Variants in KCNQ5 observed in about 807,000 individuals in gnomAD.
The protein encoded by KCNQ5 is potassium voltage-gated channel subfamily KQT member 5.
In KCNQ5, 30 loss-of-function variants were observed where a neutral mutation model predicts 98.2. That is an observed-to-expected ratio of 0.31 (90% CI 0.23 to 0.41). KCNQ5 has a LOEUF of 0.41. KCNQ5 is among the 10% of genes least tolerant of loss of function. The pLI, the probability that KCNQ5 is intolerant of heterozygous loss-of-function variation, is 1.00. For synonymous variants in KCNQ5, 458 were observed against 449.4 expected (o/e 1.02, Z -0.24); for missense variants, 835 against 1,182.5 (o/e 0.71, Z 4.31).
intron 1 of KCNQ5, among the ~76,000 whole-genome samples, chr6:72,751,231 T>C (rs1242169767): frequency 6.6e-6 from 1 of 151,436 alleles, no homozygotes; most frequent in Admixed American, 6.6e-5. Flanking sequence ...AGGAAAAGGG[T>C]ACAGTGTGAG....
chr6:73,034,156 A>T (rs1381756065), intron 2 of KCNQ5, among the ~76,000 whole-genome samples: 1 of 152,218 alleles, frequency 6.6e-6, no homozygotes, highest in African/African-American at 2.4e-5. Context: ...TAGAATTATA[A>T]CTGCAACTCT....
At chr6:72,833,905 A>G (rs1776394686) in intron 1 of KCNQ5, among the ~76,000 whole-genome samples, 2 of 152,088 alleles carry the variant, frequency 1.3e-5, no homozygotes, top group Non-Finnish European at 1.5e-5. Flanking sequence ...ATAGATCTCA[A>G]AAATATAAGG....
intron 2 of KCNQ5, among the ~76,000 whole-genome samples, chr6:73,021,984 A>G (rs1293961555): frequency 1.3e-5 from 2 of 152,192 alleles, no homozygotes; most frequent in Admixed American, 1.3e-4. Flanking sequence ...TTATTAAAGC[A>G]AATATGCTTA....
intron 1 of KCNQ5, among the ~76,000 whole-genome samples, chr6:72,705,599 T>TTGTTG (rs1554146891): frequency 0.04 from 6,030 of 151,308 alleles, 149 homozygotes; most frequent in Middle Eastern, 0.1. Context: ...TGTTTTTTTT[T>TTGTTG]TTGTTGTTGT....
intron 1 of KCNQ5, among the ~76,000 whole-genome samples, chr6:72,877,411 T>C (rs1778453020): frequency 6.6e-6 from 1 of 152,238 alleles, no homozygotes; most frequent in Non-Finnish European, 1.5e-5. Flanking sequence ...ATTTTATGGC[T>C]GCATAGTATC....
At chr6:73,182,617 G>A (rs1182427160) in intron 11 of KCNQ5, among the ~76,000 whole-genome samples, 2 of 152,150 alleles carry the variant, frequency 1.3e-5, no homozygotes, top group Admixed American at 6.5e-5. Context: ...TGAATTCGTA[G>A]TTGATACCTA....
chr6:73,093,611 T>C (rs2150407536), intron 5 of KCNQ5, among the ~76,000 whole-genome samples: 1 of 152,318 alleles, frequency 6.6e-6, no homozygotes, highest in Middle Eastern at 3.4e-3. Flanking sequence ...TGTGTCATTG[T>C]TGCCATTCAA....
At chr6:73,030,277 A>AT (rs1380891168) in intron 2 of KCNQ5, among the ~76,000 whole-genome samples, 1 of 152,170 alleles carries the variant, frequency 6.6e-6, no homozygotes, top group Non-Finnish European at 1.5e-5. Flanking sequence ...TGCAGTTTCT[A>AT]TTGGTGGTGA....
chr6:72,987,424 T>C (rs1768839027), intron 1 of KCNQ5: 32 of 694,058 alleles, frequency 4.6e-5, no homozygotes, highest in South Asian at 3.9e-4. Flanking sequence ...GGAACCTAGT[T>C]TGGCCAGTGG....
At chr6:72,720,489 G>A (rs76441442) in intron 1 of KCNQ5, among the ~76,000 whole-genome samples, 1,759 of 152,166 alleles carry the variant, frequency 0.012, 28 homozygotes, top group African/African-American at 0.039. Context: ...GATTGCAAAG[G>A]CTGTTTTCTT....
intron 1 of KCNQ5, among the ~76,000 whole-genome samples, chr6:72,904,753 T>C (rs181080727): frequency 6.6e-6 from 1 of 152,342 alleles, no homozygotes; most frequent in Non-Finnish European, 1.5e-5. Flanking sequence ...TAATAGGTTT[T>C]CCTTTATAGG....
intron 1 of KCNQ5, among the ~76,000 whole-genome samples, chr6:72,856,093 A>G (rs1433412464): frequency 6.6e-6 from 1 of 152,174 alleles, no homozygotes; most frequent in Non-Finnish European, 1.5e-5. Flanking sequence ...TGGTATTTCT[A>G]TTTTGGCTCT....
chr6:73,059,184 T>C (rs1365511349), intron 3 of KCNQ5, among the ~76,000 whole-genome samples: 1 of 152,108 alleles, frequency 6.6e-6, no homozygotes, highest in Non-Finnish European at 1.5e-5. Flanking sequence ...TGATGGTGGA[T>C]TGGATAAAGA....
rs2098915458 is a variant in KCNQ5 at position 72,622,141 on chromosome 6, C to T, written c.-49C>T. On this transcript the variant is annotated 5_prime_UTR_variant, in exon 1 of 14. Transcript: ENST00000370398. The surrounding 1 kb of genome is among the most constrained non-coding windows in gnomAD (Gnocchi z 6.0). ...CCCGCCGGCGCACATGAGGCCGCTG[C>T]CCCCGCCGCAGGCGCTGGCGGCCCC... 6.6e-6 allele frequency: 8 copies of T among 1,210,310 alleles called. No homozygotes were observed. Among genetic ancestry groups the T allele is most frequent in the African/African-American group, 1.6e-5 (1 of 63,510 alleles). 75.0% of individuals were successfully genotyped at this position (1,210,310 alleles called of 1,614,324 possible). A position where few individuals can be genotyped will look rare whatever the true frequency, so the allele number is the denominator to read the frequency against.
At chr6:73,169,383 A>T (rs1331592458) in intron 10 of KCNQ5, among the ~76,000 whole-genome samples, 1 of 152,222 alleles carries the variant, frequency 6.6e-6, no homozygotes, top group African/African-American at 2.4e-5. Flanking sequence ...TTACAAGTCC[A>T]AAAACTATTT....
intron 1 of KCNQ5, among the ~76,000 whole-genome samples, chr6:72,724,507 G>A (rs1351956150): frequency 1.3e-5 from 2 of 152,166 alleles, no homozygotes; most frequent in East Asian, 1.9e-4. Flanking sequence ...CATAAAAGGG[G>A]TAATTGCAGT....
chr6:73,051,546 A>G (rs1772235151), intron 3 of KCNQ5, among the ~76,000 whole-genome samples: 1 of 152,094 alleles, frequency 6.6e-6, no homozygotes, highest in African/African-American at 2.4e-5. Flanking sequence ...GCCAGAGAAT[A>G]AAGTCAGAGA....
At chr6:72,708,537 C>T (rs752825969) in intron 1 of KCNQ5, among the ~76,000 whole-genome samples, 2 of 151,984 alleles carry the variant, frequency 1.3e-5, no homozygotes, top group African/African-American at 2.4e-5. Flanking sequence ...TGGGTGGCAG[C>T]GGGGACAGGG....
intron 1 of KCNQ5, among the ~76,000 whole-genome samples, chr6:72,663,469 G>A (rs1355781365): frequency 1.3e-5 from 2 of 152,086 alleles, no homozygotes; most frequent in African/African-American, 2.4e-5. Context: ...GTATCAACCT[G>A]GTTACCTTAA....
Sources: gnomAD v4.1 joint callset for allele counts (sites outside exome capture counted in the v4.1 genomes callset) on GRCh38, gnomAD v4.1.1 for gene constraint, Gnocchi (gnomAD v3.1) non-coding constraint, MANE v1.5 for transcripts, NCBI Gene and HGNC (gene_info 2026-07-23, HGNC 2026-07-21) for gene names.